Variants in FGF3 observed in about 807,000 individuals in gnomAD.
FGF3 encodes FGF-3.
In FGF3, 7 loss-of-function variants were observed where a neutral mutation model predicts 9.8. The ratio of observed to expected loss-of-function variants is 0.72; its 90% CI spans 0.41 to 1.35. FGF3 has a LOEUF of 1.35. Ranked by LOEUF, FGF3 falls within the 40% of genes most tolerant of loss-of-function variation. The pLI, the probability that FGF3 is intolerant of heterozygous loss-of-function variation, is 0.01. For missense variants in FGF3, 390 were observed against 345.6 expected (o/e 1.13, Z -1.02); for synonymous variants, 173 against 157.2 (o/e 1.10, Z -0.75).
chr11:69,814,312 T>G (rs1012250294), intron 2 of FGF3, among the ~76,000 whole-genome samples: 2 of 151,764 alleles, frequency 1.3e-5, no homozygotes, highest in Non-Finnish European at 1.5e-5. Context: ...GTCTGAGGAC[T>G]AGGGATGGAC....
At chr11:69,818,652 C>T in intron 1 of FGF3, 62 bp downstream of exon 1, 8 of 1,295,100 alleles carry the variant, frequency 6.2e-6, no homozygotes, top group Non-Finnish European at 7.0e-6. Context: ...AGCGCGCCTT[C>T]TCCCGGGCCC....
intron 2 of FGF3, among the ~76,000 whole-genome samples, chr11:69,814,532 A>C (rs1246015572): frequency 1.3e-5 from 2 of 152,066 alleles, no homozygotes; most frequent in African/African-American, 4.8e-5. Flanking sequence ...TCACTGGCCC[A>C]CAGTGAGATG....
intron 2 of FGF3, among the ~76,000 whole-genome samples, chr11:69,813,800 A>ATGGATGGATGGGTGGATGGG (rs1565115008): frequency 1.9e-4 from 22 of 118,332 alleles, no homozygotes; most frequent in African/African-American, 7.5e-4. Context: ...GGATGGATGG[A>ATGGATGGATGGGTGGATGGG]TGGATGGGTG....
Position 69,810,449 on chromosome 11 carries a change from C to T in FGF3, c.576G>A (p.Arg192=), listed in dbSNP as rs1554980320. The stretch of plus-strand genomic sequence containing the variant: ...GTCTGGGCAGCCCACTCTGTAGCTG[C>T]CGCACCATCTCGTGGTCCCTGTGGT... ...VLDHRDHEMV[R]QLQSGLPRPP... The change falls in exon 3 of 3, where the codon CGG becomes CGA. Residue 192 remains arginine, a synonymous_variant. Coordinates refer to ENST00000334134, the MANE Select transcript of FGF3 (RefSeq NM_005247.4). 7 of 1,598,300 alleles carry T rather than the reference C, an allele frequency of 4.4e-6. No individual in the cohort carries two copies. The highest frequency in any genetic ancestry group is 2.3e-5 in the East Asian group (1 of 44,292).
intron 2 of FGF3, among the ~76,000 whole-genome samples, chr11:69,812,647 T>G (rs1554980561): frequency 6.6e-6 from 1 of 152,082 alleles, no homozygotes; most frequent in Non-Finnish European, 1.5e-5. Context: ...GCGGGTGGGC[T>G]CAGGGCCGAC....
At chr11:69,818,217 C>T (rs2119936890) in intron 1 of FGF3, among the ~76,000 whole-genome samples, 1 of 152,272 alleles carries the variant, frequency 6.6e-6, no homozygotes, top group East Asian at 1.9e-4. Context: ...GAGGGGACGG[C>T]GGGGCGTCCA....
At position 69,810,593 on chromosome 11, in the gene FGF3, G is replaced by T. The variant is rs1554980358; in HGVS notation, c.432C>A (p.Arg144=). ...ACAGTCTCTCGGCGCTGGGCTGCCGGCGGGCCCCAGGCGTACTAGACACCG... is the reference window on the plus strand; with the variant it reads ...ACAGTCTCTCGGCGCTGGGCTGCCGTCGGGCCCCAGGCGTACTAGACACCG... ...YRTVSSTPGA[R]RQPSAERLWY... The change falls in exon 3 of 3, where the codon CGC becomes CGA. Residue 144 remains arginine, a synonymous_variant. Transcript: ENST00000334134. 6.2e-7 allele frequency: 1 copy of T among 1,611,268 alleles called. No individual in the cohort carries two copies. Among genetic ancestry groups the T allele is most frequent in the Non-Finnish European group, 8.5e-7 (1 of 1,178,608 alleles).
chr11:69,811,737 T>C (rs539078291), intron 2 of FGF3, among the ~76,000 whole-genome samples: 1 of 152,234 alleles, frequency 6.6e-6, no homozygotes, highest in East Asian at 1.9e-4. Flanking sequence ...CTGCTGTTCT[T>C]AGGATGAGAG....
At chr11:69,817,331 G>A (rs1856150418) in intron 1 of FGF3, among the ~76,000 whole-genome samples, 1 of 152,180 alleles carries the variant, frequency 6.6e-6, no homozygotes, top group Non-Finnish European at 1.5e-5. Flanking sequence ...CAGCCCAGGG[G>A]TGCTGTGGTG....
intron 2 of FGF3, 121 bp downstream of exon 2, chr11:69,816,199 G>C (rs1271828188): frequency 8.5e-6 from 7 of 822,380 alleles, no homozygotes; most frequent in Non-Finnish European, 1.5e-5. Flanking sequence ...TCTGGTCCTA[G>C]CTTGGGTCCC....
At chr11:69,811,274 C>G (rs1401289529) in intron 2 of FGF3, among the ~76,000 whole-genome samples, 1 of 151,890 alleles carries the variant, frequency 6.6e-6, no homozygotes, top group African/African-American at 2.4e-5. Flanking sequence ...ATGGCAAAAC[C>G]CCGTCTCTAC....
intron 2 of FGF3, among the ~76,000 whole-genome samples, chr11:69,813,607 G>A (rs1590962960): frequency 1.4e-5 from 1 of 73,292 alleles, no homozygotes; most frequent in South Asian, 3.8e-4. Flanking sequence ...TGGATGGATG[G>A]ATGGATGGGT....
intron 2 of FGF3, among the ~76,000 whole-genome samples, chr11:69,814,200 A>C (rs184784884): frequency 3.8e-3 from 579 of 152,228 alleles, no homozygotes; most frequent in African/African-American, 0.014. Context: ...AGGCTGGAGC[A>C]GTGATCCAGG....
At chr11:69,816,479 G>C in intron 1 of FGF3, 56 bp from the exon 2 acceptor site, 8 of 1,353,968 alleles carry the variant, frequency 5.9e-6, no homozygotes, top group Non-Finnish European at 8.5e-6. Flanking sequence ...GGGCGGCTGA[G>C]GCCCAGCTGG....
chr11:69,812,993 C>T (rs1422805458), intron 2 of FGF3, among the ~76,000 whole-genome samples: 1 of 152,026 alleles, frequency 6.6e-6, no homozygotes, highest in African/African-American at 2.4e-5. Context: ...GCTCAGGGGC[C>T]AGGGCCATAG....
intron 1 of FGF3, among the ~76,000 whole-genome samples, chr11:69,816,980 A>T (rs1489661050): frequency 6.6e-6 from 1 of 152,164 alleles, no homozygotes; most frequent in Non-Finnish European, 1.5e-5. Context: ...CTGGCAATAG[A>T]CCTGGCGGGA....
At position 69,818,724 on chromosome 11, in the gene FGF3, G is replaced by GTT; in HGVS notation, c.208_209dup (p.Asn70LysfsTer10). 1 of 1,489,496 alleles carries GTT rather than the reference G, an allele frequency of 6.7e-7. No homozygotes were observed. 92.3% of individuals were successfully genotyped at this position (1,489,496 alleles called of 1,614,324 possible). A position where few individuals can be genotyped will look rare whatever the true frequency, so the allele number is the denominator to read the frequency against. On this transcript the variant is annotated frameshift_variant, in exon 1 of 3. Transcript: ENST00000334134. LOFTEE classifies it high-confidence loss of function. ...GCGTCCGGCACTCACTGTAGGCGCT[G>GTT]TTCTCCAGGCTGCCGTTGACGCGGC...
intron 2 of FGF3, among the ~76,000 whole-genome samples, chr11:69,815,131 ATGGATAGGTGGATG>A (rs1856106621): frequency 6.5e-5 from 5 of 77,160 alleles, no homozygotes; most frequent in African/African-American, 1.0e-4. Flanking sequence ...GGATGGATGG[ATGGATAGGTGGATG>A]GGTGGATGGG....
intron 1 of FGF3, among the ~76,000 whole-genome samples, chr11:69,816,870 G>A (rs1554981157): frequency 6.6e-6 from 1 of 152,218 alleles, no homozygotes; most frequent in African/African-American, 2.4e-5. Context: ...GGTCCCCAAT[G>A]CCTGTGCCTG....
Sources: allele counts gnomAD v4.1 joint callset (sites outside exome capture counted in the v4.1 genomes callset), GRCh38; gene constraint gnomAD v4.1.1; transcripts MANE v1.5; gene names NCBI Gene and HGNC (gene_info 2026-07-23, HGNC 2026-07-21).